The following CRHR1 variants were observed in gnomAD, a reference collection of about 807,000 sequenced individuals.
CRHR1 encodes the protein corticotropin releasing hormone receptor 1.
A neutral mutation model predicts 56.0 loss-of-function variants in CRHR1; 28 were observed. That is an observed-to-expected ratio of 0.50 (90% CI 0.37 to 0.69). CRHR1 has a LOEUF of 0.69. CRHR1 is among the 30% of genes least tolerant of loss of function. CRHR1 has a pLI of 0.00. For synonymous variants in CRHR1, 195 were observed against 216.5 expected (o/e 0.90, Z 0.87); for missense variants, 376 against 548.0 (o/e 0.69, Z 3.13).
At chr17:45,786,127 CTT>C (rs66781068) in intron 1 of CRHR1, among the ~76,000 whole-genome samples, 1 of 145,568 alleles carries the variant, frequency 6.9e-6, no homozygotes, top group African/African-American at 2.5e-5. Flanking sequence ...GTTTTCTTTT[CTT>C]TTTTTTTTTT....
chr17:45,821,087 A>G (rs1450068712), intron 3 of CRHR1, among the ~76,000 whole-genome samples: 1 of 152,248 alleles, frequency 6.6e-6, no homozygotes, highest in African/African-American at 2.4e-5. Flanking sequence ...AAGCCTGTCC[A>G]CGGGCCAGTC....
chr17:45,807,255 G>A (rs1017755167), intron 2 of CRHR1, among the ~76,000 whole-genome samples, 158 bp downstream of exon 2: 10 of 152,220 alleles, frequency 6.6e-5, no homozygotes, highest in African/African-American at 2.4e-4. Flanking sequence ...TCTCCACCGA[G>A]CACCGTGTTG....
intron 2 of CRHR1, among the ~76,000 whole-genome samples, chr17:45,815,541 C>T (rs1301059039): frequency 1.3e-5 from 2 of 152,214 alleles, no homozygotes; most frequent in African/African-American, 4.8e-5. Flanking sequence ...TAATGAAAGC[C>T]GTGGGCCCAT....
Position 45,784,415 on chromosome 17 carries a change from T to C in CRHR1, c.-130T>C, listed in dbSNP as rs1362250512. The stretch of plus-strand genomic sequence containing the variant: ...GCCGGGAAGCGCCGAGCCGGGCATC[T>C]CCTCACCAGGCAGCGACCGAGGAGC... On this transcript the variant is annotated 5_prime_UTR_variant, in exon 1 of 13. Coordinates refer to ENST00000314537, the MANE Select transcript of CRHR1 (RefSeq NM_004382.5). The surrounding 1 kb of genome is among the most constrained non-coding windows in gnomAD (Gnocchi z 4.2). 6.8e-6 allele frequency: 5 copies of C among 738,092 alleles called. No homozygotes were observed. Among genetic ancestry groups the C allele is most frequent in the Non-Finnish European group, 9.6e-6 (5 of 519,372 alleles). The allele number at this position is 738,092 out of a possible 1,614,324, so 45.7% of individuals were successfully genotyped here.
chr17:45,835,090 T>C lies in CRHR1; in HGVS notation c.*326T>C. On this transcript the variant is annotated 3_prime_UTR_variant, in exon 13 of 13. Coordinates refer to ENST00000314537, the MANE Select transcript of CRHR1 (RefSeq NM_004382.5). The stretch of plus-strand genomic sequence containing the variant: ...GCACGCATGTCCCTCCAAGGCTGTC[T>C]TCTCCCAGAGCACAAGAAGGCCAGC... 1 of 328,302 alleles carries C rather than the reference T, an allele frequency of 3.0e-6. No homozygotes were observed. Among genetic ancestry groups the C allele is most frequent in the Non-Finnish European group, 5.6e-6 (1 of 177,450 alleles). 20.3% of individuals were successfully genotyped at this position (328,302 alleles called of 1,614,324 possible).
chr17:45,789,366 C>G (rs1230432341), intron 1 of CRHR1, among the ~76,000 whole-genome samples: 1 of 151,764 alleles, frequency 6.6e-6, no homozygotes, highest in Non-Finnish European at 1.5e-5. Flanking sequence ...AGCAGAGTCC[C>G]TAGGAATTTT....
At chr17:45,832,498 T>C in intron 8 of CRHR1, among the ~76,000 whole-genome samples, 1 of 152,188 alleles carries the variant, frequency 6.6e-6, no homozygotes. Flanking sequence ...CAAATCTCAA[T>C]TTCTGGCTTA....
rs377721543 is a variant in CRHR1, at chr17:45,830,555, A to G, written c.694A>G (p.Ile232Val). The change falls in exon 7 of 13, where the codon ATC (isoleucine) becomes GTC (valine). Residue 232 changes from isoleucine (I) to valine (V), a missense_variant. Physicochemically the swap from Ile to Val is conservative, Grantham distance 29. Coordinates refer to ENST00000314537, the MANE Select transcript of CRHR1 (RefSeq NM_004382.5). ...TGACCGGCTGCGCAAATGGATGTTC[A>G]TCTGCATTGGCTGGGGTGAGCTGGG... The part of the protein sequence containing the change: ...STDRLRKWMF[I>V]CIGWGVPFPI... 5.6e-6 allele frequency: 9 copies of G among 1,611,050 alleles called. No individual in the cohort carries two copies. Among genetic ancestry groups the G allele is most frequent in the Non-Finnish European group, 6.8e-6 (8 of 1,178,614 alleles).
chr17:45,807,797 C>T (rs755084090), intron 2 of CRHR1, among the ~76,000 whole-genome samples: 13 of 152,200 alleles, frequency 8.5e-5, no homozygotes, highest in East Asian at 1.9e-4. Context: ...ATAATCATCT[C>T]GTTTCATCCT....
intron 5 of CRHR1, 117 bp from the exon 6 acceptor site, chr17:45,829,976 GC>G: frequency 1.3e-6 from 2 of 1,502,430 alleles, no homozygotes; most frequent in Non-Finnish European, 1.8e-6. Context: ...TGGCCAGTCA[GC>G]CCCACCCTGT....
chr17:45,792,890 C>T (rs1316109399), intron 1 of CRHR1, among the ~76,000 whole-genome samples: 1 of 152,224 alleles, frequency 6.6e-6, no homozygotes, highest in African/African-American at 2.4e-5. Context: ...AGACTATGAG[C>T]TCTGCCTAGA....
chr17:45,810,691 C>T (rs1343561883), intron 2 of CRHR1, among the ~76,000 whole-genome samples: 1 of 152,170 alleles, frequency 6.6e-6, no homozygotes, highest in Non-Finnish European at 1.5e-5. Flanking sequence ...TGGCACTGTA[C>T]TAGCTGCTGG....
chr17:45,833,676 G>T (rs774700930), intron 10 of CRHR1, 38 bp from the exon 11 acceptor site: 5 of 1,602,512 alleles, frequency 3.1e-6, no homozygotes, highest in African/African-American at 1.3e-5. Context: ...TCCTGGGGTG[G>T]GCTGTGACTC....
At chr17:45,829,418 T>A in intron 5 of CRHR1, 97 bp downstream of exon 5, 2 of 1,365,322 alleles carry the variant, frequency 1.5e-6, no homozygotes, top group Non-Finnish European at 2.0e-6. Flanking sequence ...GGGGTGGGGG[T>A]TGCTGGGAGA....
chr17:45,821,297 A>G, intron 3 of CRHR1, 58 bp from the exon 4 acceptor site: 1 of 1,494,688 alleles, frequency 6.7e-7, no homozygotes, highest in Non-Finnish European at 9.3e-7. Flanking sequence ...CTGGGCCAGG[A>G]TGGTCAGGCA....
In CRHR1 at chr17:45,825,335, C is replaced by A. The variant is rs547681444; in HGVS notation, c.328-3880C>A. On this transcript the variant is annotated intron_variant, in intron 4 of 12. Transcript: ENST00000314537. Reference sequence around the variant, plus strand: ...GATGGCACTGAGCCCCCAGCACCACCCCTACACCTGCTGCCTGTATCAGCA... The same window carrying A: ...GATGGCACTGAGCCCCCAGCACCACACCTACACCTGCTGCCTGTATCAGCA... 1.7e-3 allele frequency among the ~76,000 whole-genome samples: 264 copies of A among 152,324 alleles called. 1 individual carries two copies. The highest frequency in any genetic ancestry group is 2.9e-3 in the Admixed American group (45 of 15,306).
chr17:45,816,329 T>C, intron 2 of CRHR1, 134 bp from the exon 3 acceptor site: 1 of 1,201,902 alleles, frequency 8.3e-7, no homozygotes, highest in Non-Finnish European at 1.1e-6. Flanking sequence ...GCACTGGTCA[T>C]TGTTGTCATC....
chr17:45,786,627 GA>G (rs1398599389), intron 1 of CRHR1, among the ~76,000 whole-genome samples: 1 of 134,296 alleles, frequency 7.4e-6, no homozygotes, highest in Non-Finnish European at 1.6e-5. Context: ...GCTTTTACCA[GA>G]AAATATCCTT....
chr17:45,815,711 C>G (rs924768043), intron 2 of CRHR1, among the ~76,000 whole-genome samples: 3 of 152,216 alleles, frequency 2.0e-5, no homozygotes, highest in African/African-American at 7.2e-5. Flanking sequence ...CCAGAGAGGG[C>G]AAGTGACTTG....
Sources: allele counts gnomAD v4.1 joint callset (sites outside exome capture counted in the v4.1 genomes callset), GRCh38; gene constraint gnomAD v4.1.1; non-coding constraint Gnocchi (gnomAD v3.1); transcripts MANE v1.5; gene names NCBI Gene and HGNC (gene_info 2026-07-23, HGNC 2026-07-21).